Variants in CLPB observed in about 807,000 individuals in gnomAD.
The protein encoded by CLPB is mitochondrial disaggregase.
Under a neutral mutation model 78.4 loss-of-function variants are expected in CLPB, and 40 were observed. The ratio of observed to expected loss-of-function variants is 0.51; its 90% CI spans 0.40 to 0.66. CLPB has a LOEUF of 0.66. CLPB is among the 30% of genes least tolerant of loss of function. The pLI is 0.00. For synonymous variants in CLPB, 333 were observed against 348.0 expected, an observed-to-expected ratio of 0.96 and a Z score of 0.48; for missense variants, 780 against 886.9, an observed-to-expected ratio of 0.88 and a Z score of 1.53.
chr11:72,390,737 C>A (rs1855230171), intron 3 of CLPB, among the ~76,000 whole-genome samples: 1 of 152,170 alleles, frequency 6.6e-6, no homozygotes, highest in African/African-American at 2.4e-5. Context: ...ACTGGTGCAG[C>A]CATTCTGGAA....
Position 72,416,022 on chromosome 11 carries a change from G to C in CLPB, c.456-12970C>G, listed in dbSNP as rs75806678. 9.0e-3 allele frequency among the ~76,000 whole-genome samples: 1,369 copies of C among 152,308 alleles called. 17 individuals are homozygous for C. The highest frequency in any genetic ancestry group is 0.032 in the African/African-American group (1,311 of 41,550). ...AGTTAAAAATCTGGAACAGGAAAAG[G>C]AAGCCATGTAGTCCTAGAAGACAGA... On this transcript the variant is annotated intron_variant, in intron 2 of 15. Transcript: ENST00000538039.
chr11:72,425,019 T>C (rs910543939), intron 2 of CLPB, among the ~76,000 whole-genome samples: 13 of 152,234 alleles, frequency 8.5e-5, no homozygotes, highest in African/African-American at 3.1e-4. Flanking sequence ...CAGGTTGCAG[T>C]GAGCCGAGAT....
At chr11:72,425,643 A>G (rs1243391352) in intron 2 of CLPB, among the ~76,000 whole-genome samples, 3 of 152,178 alleles carry the variant, frequency 2.0e-5, no homozygotes, top group Non-Finnish European at 4.4e-5. Flanking sequence ...ACGGAGAGTC[A>G]ATCAATGTTC....
At chr11:72,364,863 C>T (rs767502755) in intron 4 of CLPB, among the ~76,000 whole-genome samples, 2 of 152,132 alleles carry the variant, frequency 1.3e-5, no homozygotes, top group Non-Finnish European at 2.9e-5. Context: ...TTCTTCATCT[C>T]CAAACAGATA....
At chr11:72,389,503 C>T (rs1035365947) in intron 3 of CLPB, among the ~76,000 whole-genome samples, 3 of 152,180 alleles carry the variant, frequency 2.0e-5, no homozygotes, top group Admixed American at 6.5e-5. Context: ...TAGGTCTTCA[C>T]GGTCTTAACA....
intron 6 of CLPB, among the ~76,000 whole-genome samples, chr11:72,324,756 G>C (rs1163011804): frequency 6.6e-6 from 1 of 152,070 alleles, no homozygotes; most frequent in Non-Finnish European, 1.5e-5. Flanking sequence ...TGAGGCCAAG[G>C]GGAGGAAGAA....
chr11:72,304,516 G>C (rs1464697952), intron 9 of CLPB, among the ~76,000 whole-genome samples: 1 of 152,118 alleles, frequency 6.6e-6, no homozygotes, highest in African/African-American at 2.4e-5. Flanking sequence ...TGATATCACA[G>C]AACACCATTA....
chr11:72,403,458 T>C (rs1239366819), intron 2 of CLPB, among the ~76,000 whole-genome samples: 1 of 152,196 alleles, frequency 6.6e-6, no homozygotes, highest in Non-Finnish European at 1.5e-5. Flanking sequence ...TCTCCTCTCA[T>C]GCTATTTAAT....
At chr11:72,299,742 G>A (rs1016590034) in intron 11 of CLPB, among the ~76,000 whole-genome samples, 1 of 152,156 alleles carries the variant, frequency 6.6e-6, no homozygotes, top group African/African-American at 2.4e-5. Flanking sequence ...AGCCTAAATC[G>A]AGTAAACCTG....
intron 5 of CLPB, among the ~76,000 whole-genome samples, chr11:72,358,051 G>C (rs933772661): frequency 3.3e-5 from 5 of 152,212 alleles, no homozygotes; most frequent in Non-Finnish European, 5.9e-5. Flanking sequence ...CTCCCAAGGA[G>C]AGGCAGGAGT....
intron 5 of CLPB, among the ~76,000 whole-genome samples, chr11:72,351,008 C>G (rs1333493999): frequency 2.0e-5 from 3 of 152,200 alleles, no homozygotes; most frequent in African/African-American, 7.2e-5. Context: ...CCATCCCTCC[C>G]CCAGATAACT....
At chr11:72,340,645 T>C (rs1950403234) in intron 5 of CLPB, among the ~76,000 whole-genome samples, 1 of 152,202 alleles carries the variant, frequency 6.6e-6, no homozygotes, top group South Asian at 2.1e-4. Flanking sequence ...GATTACCTAT[T>C]TTATGCCAGA....
At chr11:72,297,992 C>T (rs1283039910) in intron 11 of CLPB, among the ~76,000 whole-genome samples, 3 of 151,918 alleles carry the variant, frequency 2.0e-5, no homozygotes, top group Non-Finnish European at 2.9e-5. Context: ...GGAAGCTGTC[C>T]GTGCCTCACC....
intron 3 of CLPB, among the ~76,000 whole-genome samples, chr11:72,381,558 T>C (rs1854914688): frequency 6.6e-6 from 1 of 152,010 alleles, no homozygotes; most frequent in African/African-American, 2.4e-5. Flanking sequence ...AGGCCCATCC[T>C]AGCGCCAGGG....
chr11:72,374,624 A>T (rs11235485), intron 4 of CLPB, among the ~76,000 whole-genome samples: 1 of 152,250 alleles, frequency 6.6e-6, no homozygotes, highest in Non-Finnish European at 1.5e-5. Flanking sequence ...CTCACATGAC[A>T]TGGGAGAAGA....
intron 4 of CLPB, among the ~76,000 whole-genome samples, chr11:72,364,137 A>G (rs1950895204): frequency 1.3e-5 from 2 of 152,152 alleles, no homozygotes; most frequent in Admixed American, 1.3e-4. Context: ...TTCCACCACC[A>G]TTCAAACTAA....
intron 3 of CLPB, among the ~76,000 whole-genome samples, chr11:72,384,121 A>C (rs7109307): frequency 0.081 from 12,392 of 152,182 alleles, 778 homozygotes; most frequent in African/African-American, 0.18. Flanking sequence ...CCATTGCACT[A>C]CAGCCTGGGT....
intron 2 of CLPB, among the ~76,000 whole-genome samples, chr11:72,419,978 T>C (rs528163237): frequency 6.6e-6 from 1 of 152,382 alleles, no homozygotes; most frequent in South Asian, 2.1e-4. Flanking sequence ...AACTACTTCA[T>C]TTTTGTTTGT....
chr11:72,288,621 G>A lies in CLPB; in HGVS notation c.*4746C>T, dbSNP rs1381448773. 3.3e-5 allele frequency: 5 copies of A among 152,218 alleles called. No homozygotes were observed. The highest frequency in any genetic ancestry group is 5.9e-5 in the Non-Finnish European group (4 of 68,096). 9.4% of individuals were successfully genotyped at this position (152,218 alleles called of 1,614,324 possible). A position where few individuals can be genotyped will look rare whatever the true frequency, so the allele number is the denominator to read the frequency against. ...ACAAACAATACTTTTCTGTTCCAGA[G>A]CCCACTGAGAAGATCTGCACTTGCT... On this transcript the variant is annotated 3_prime_UTR_variant, in exon 16 of 16. Coordinates refer to ENST00000538039, the MANE Select transcript of CLPB (RefSeq NM_001258392.3).
Sources: gnomAD v4.1 joint callset for allele counts (sites outside exome capture counted in the v4.1 genomes callset) on GRCh38, gnomAD v4.1.1 for gene constraint, MANE v1.5 for transcripts, NCBI Gene and HGNC (gene_info 2026-07-23, HGNC 2026-07-21) for gene names.